GRIA2: variants seen among roughly 807,000 people sequenced by gnomAD.
GRIA2 encodes glutamate ionotropic receptor AMPA type subunit 2, also known as glutamate receptor 2.
GRIA2 carries 14 observed loss-of-function variants against 97.3 expected under a neutral mutation model. The observed-to-expected ratio is 0.14, with a 90% CI of 0.10 to 0.23. The LOEUF (loss-of-function observed/expected upper bound fraction) is 0.23, where lower values mean the gene tolerates loss of function less well. GRIA2 is among the 10% of genes least tolerant of loss of function. GRIA2 has a pLI of 1.00. For synonymous variants in GRIA2, 412 were observed against 387.8 expected, an observed-to-expected ratio of 1.06 and a Z score of -0.73; for missense variants, 558 against 1,069.8, an observed-to-expected ratio of 0.52 and a Z score of 6.67.
chr4:157,296,364 C>T (rs1025632559), intron 2 of GRIA2, among the ~76,000 whole-genome samples: 3 of 151,908 alleles, frequency 2.0e-5, no homozygotes, highest in South Asian at 2.1e-4. Flanking sequence ...CATAAGAACC[C>T]GTTTTATGTC....
chr4:157,240,489 ATC>A (rs1259778622), intron 2 of GRIA2, among the ~76,000 whole-genome samples: 1 of 151,718 alleles, frequency 6.6e-6, no homozygotes, highest in Non-Finnish European at 1.5e-5. Context: ...TTCCTAATGT[ATC>A]TCTTTCTCCA....
chr4:157,322,585 A>G (rs930067659), intron 6 of GRIA2, among the ~76,000 whole-genome samples: 6 of 152,170 alleles, frequency 3.9e-5, no homozygotes, highest in South Asian at 2.1e-4. Context: ...ACAGGAAGGT[A>G]TTTTTCCTTC....
intron 2 of GRIA2, among the ~76,000 whole-genome samples, chr4:157,256,871 G>A (rs1416782717): frequency 1.3e-5 from 2 of 151,952 alleles, no homozygotes; most frequent in African/African-American, 2.4e-5. Context: ...TTTTGTAATG[G>A]GGAGAGCCAA....
At chr4:157,350,636 A>G (rs1735970376) in intron 12 of GRIA2, among the ~76,000 whole-genome samples, 1 of 151,232 alleles carries the variant, frequency 6.6e-6, no homozygotes, top group African/African-American at 2.4e-5. Flanking sequence ...ACCATTGTCT[A>G]TTACTCTATT....
intron 6 of GRIA2, among the ~76,000 whole-genome samples, chr4:157,332,125 C>T (rs148364300): frequency 1.9e-4 from 29 of 152,186 alleles, no homozygotes; most frequent in African/African-American, 6.3e-4. Flanking sequence ...TAGACACTGA[C>T]AATGCCTTGT....
intron 2 of GRIA2, among the ~76,000 whole-genome samples, chr4:157,287,953 A>T (rs1732919415): frequency 6.6e-6 from 1 of 151,756 alleles, no homozygotes; most frequent in South Asian, 2.1e-4. Context: ...TATTACATTA[A>T]GGAAAAAAGG....
chr4:157,245,898 A>G (rs1376051966), intron 2 of GRIA2, among the ~76,000 whole-genome samples: 4 of 152,046 alleles, frequency 2.6e-5, no homozygotes, highest in African/African-American at 4.8e-5. Context: ...TCAACCATTT[A>G]TTTTCTATGT....
At chr4:157,304,168 A>T (rs1299204961) in intron 3 of GRIA2, among the ~76,000 whole-genome samples, 1 of 152,240 alleles carries the variant, frequency 6.6e-6, no homozygotes, top group Admixed American at 6.5e-5. Flanking sequence ...ACATACAGTT[A>T]TTAAATATTG....
intron 12 of GRIA2, among the ~76,000 whole-genome samples, chr4:157,353,600 C>A (rs570363603): frequency 6.6e-6 from 1 of 151,394 alleles, no homozygotes; most frequent in African/African-American, 2.4e-5. Context: ...GGCATGAACC[C>A]GGGAGGTGGA....
At chr4:157,254,027 T>C (rs1486592551) in intron 2 of GRIA2, among the ~76,000 whole-genome samples, 2 of 152,018 alleles carry the variant, frequency 1.3e-5, no homozygotes, top group Non-Finnish European at 2.9e-5. Context: ...TACTTTCTTT[T>C]TTTTTTTCCC....
intron 12 of GRIA2, among the ~76,000 whole-genome samples, chr4:157,355,933 T>TAATATATTTATA (rs1560781153): frequency 1.7e-4 from 4 of 23,470 alleles, no homozygotes; most frequent in South Asian, 4.2e-3. Context: ...TTATATATAT[T>TAATATATTTATA]TATATATTAA....
chr4:157,297,670 C>T (rs945991967), intron 2 of GRIA2, among the ~76,000 whole-genome samples: 9 of 151,968 alleles, frequency 5.9e-5, no homozygotes, highest in African/African-American at 1.7e-4. Context: ...AGGTCAGAGC[C>T]GCCCAAGATT....
intron 2 of GRIA2, among the ~76,000 whole-genome samples, chr4:157,240,072 T>A (rs768919193): frequency 2.6e-5 from 4 of 151,862 alleles, no homozygotes; most frequent in Non-Finnish European, 5.9e-5. Context: ...TTTCTTCATA[T>A]GCTTTAAATA....
chr4:157,338,011 TA>T (rs1228620653), intron 11 of GRIA2, among the ~76,000 whole-genome samples: 6 of 2,808 alleles, frequency 2.1e-3, no homozygotes, highest in Admixed American at 0.012. Flanking sequence ...TATATGTGTA[TA>T]TATATATATA....
At chr4:157,276,360 A>G (rs1379165844) in intron 2 of GRIA2, among the ~76,000 whole-genome samples, 1 of 152,104 alleles carries the variant, frequency 6.6e-6, no homozygotes, top group Non-Finnish European at 1.5e-5. Context: ...ACTAATCAAA[A>G]TTTCTGGATG....
At chr4:157,227,025 T>C (rs948537486) in intron 2 of GRIA2, among the ~76,000 whole-genome samples, 12 of 152,172 alleles carry the variant, frequency 7.9e-5, no homozygotes, top group Non-Finnish European at 1.6e-4. Context: ...AATGAGTGCG[T>C]ATTAAGTAGA....
chr4:157,283,231 A>T (rs17035937), intron 2 of GRIA2, among the ~76,000 whole-genome samples: 29,822 of 151,912 alleles, frequency 0.2, 3,353 homozygotes, highest in African/African-American at 0.31. Flanking sequence ...CTTCTGTATT[A>T]TTAATATAGT....
intron 2 of GRIA2, among the ~76,000 whole-genome samples, chr4:157,223,168 T>G (rs2126673261): frequency 6.6e-6 from 1 of 152,274 alleles, no homozygotes; most frequent in South Asian, 2.1e-4. Flanking sequence ...ATATATTCCG[T>G]GATTTAGCTT....
intron 11 of GRIA2, among the ~76,000 whole-genome samples, chr4:157,338,032 A>G (rs1482687886): frequency 3.5e-4 from 4 of 11,468 alleles, no homozygotes; most frequent in Non-Finnish European, 3.5e-4. Flanking sequence ...ATATATATAT[A>G]TATATATATA....
Sources: allele counts gnomAD v4.1 joint callset (sites outside exome capture counted in the v4.1 genomes callset), GRCh38; gene constraint gnomAD v4.1.1; transcripts MANE v1.5; gene names NCBI Gene and HGNC (gene_info 2026-07-23, HGNC 2026-07-21).